NDUFS4: variants seen among roughly 807,000 people sequenced by gnomAD.
NDUFS4 encodes NADH:ubiquinone oxidoreductase subunit S4, also known as NADH dehydrogenase [ubiquinone] iron-sulfur protein 4, mitochondrial.
Under a neutral mutation model 24.3 loss-of-function variants are expected in NDUFS4, and 28 were observed. That is an observed-to-expected ratio of 1.15 (90% CI 0.85 to 1.58). The LOEUF (loss-of-function observed/expected upper bound fraction) is 1.58, where lower values mean the gene tolerates loss of function less well. NDUFS4 is among the 40% of genes most tolerant of loss of function. The probability of loss-of-function intolerance (pLI) is 0.00; values close to 1 mark genes in which losing one functional copy is unlikely to be tolerated. For synonymous variants in NDUFS4, 93 were observed against 69.7 expected (o/e 1.34, Z -1.67); for missense variants, 223 against 207.9 (o/e 1.07, Z -0.45).
rs746555037 is a variant in NDUFS4, at chr5:53,683,225, G to C, written c.*4G>C. ...AACAAGAGTATCCACAAAATAGGTT[G>C]GCACTGACTATATCTCTGCTTGACT... On this transcript the variant is annotated 3_prime_UTR_variant, in exon 5 of 5. Transcript: ENST00000296684. 1.9e-6 allele frequency: 3 copies of C among 1,575,118 alleles called. No individual in the cohort carries two copies. Among genetic ancestry groups the C allele is most frequent in the Non-Finnish European group, 2.6e-6 (3 of 1,145,018 alleles).
intron 2 of NDUFS4, among the ~76,000 whole-genome samples, chr5:53,639,790 CTCTT>C (rs1423925679): frequency 2.0e-5 from 3 of 152,122 alleles, no homozygotes; most frequent in African/African-American, 7.2e-5. Context: ...TTCTTCCTCT[CTCTT>C]TTTTTCTTTT....
chr5:53,568,033 T>C (rs147326780), intron 1 of NDUFS4, among the ~76,000 whole-genome samples: 83 of 152,252 alleles, frequency 5.5e-4, no homozygotes, highest in African/African-American at 1.9e-3. Flanking sequence ...TAATAAACTA[T>C]TATAAATTTT....
In NDUFS4 at chr5:53,601,236, C is replaced by T. The variant is rs549029731; in HGVS notation, c.99-2216C>T. Among the ~76,000 whole-genome samples, 249 of 152,130 alleles carry T rather than the reference C, an allele frequency of 1.6e-3. 1 individual carries two copies. The highest frequency in any genetic ancestry group is 5.5e-3 in the African/African-American group (228 of 41,510). On this transcript the variant is annotated intron_variant, in intron 1 of 4. Coordinates refer to ENST00000296684, the MANE Select transcript of NDUFS4 (RefSeq NM_002495.4). ...GCCAGGATGGTATCCATCTCCTGAC[C>T]TTGTGATCCGCCCGCCTCAGCCTCC... is the stretch of plus-strand genomic sequence containing the variant.
chr5:53,578,988 A>C (rs969970428), intron 1 of NDUFS4, among the ~76,000 whole-genome samples: 1 of 152,158 alleles, frequency 6.6e-6, no homozygotes, highest in African/African-American at 2.4e-5. Context: ...AACCCACAAC[A>C]ATCTATCTTT....
intron 3 of NDUFS4, among the ~76,000 whole-genome samples, chr5:53,647,526 C>CT (rs1751904795): frequency 6.6e-6 from 1 of 152,098 alleles, no homozygotes; most frequent in Non-Finnish European, 1.5e-5. Context: ...CATTAAATTG[C>CT]TTTTTAACAG....
chr5:53,642,104 T>C (rs1467525558), intron 2 of NDUFS4, among the ~76,000 whole-genome samples: 9 of 152,148 alleles, frequency 5.9e-5, no homozygotes. Flanking sequence ...GCAAAAACCT[T>C]ACATTTATTT....
chr5:53,568,867 C>A (rs1749125340), intron 1 of NDUFS4, among the ~76,000 whole-genome samples: 1 of 152,146 alleles, frequency 6.6e-6, no homozygotes, highest in Non-Finnish European at 1.5e-5. Context: ...GCTGCTTTTG[C>A]AATATATTTT....
In NDUFS4 at chr5:53,586,854, A is replaced by G. The variant is rs140526919; in HGVS notation, c.99-16598A>G. Among the ~76,000 whole-genome samples, 512 of 150,180 alleles carry G rather than the reference A, an allele frequency of 3.4e-3. 2 individuals carry two copies. Among genetic ancestry groups the G allele is most frequent in the Non-Finnish European group, 4.1e-3 (279 of 67,712 alleles). On this transcript the variant is annotated intron_variant, in intron 1 of 4. Transcript: ENST00000296684. Reference sequence around the variant, plus strand: ...TTCCTTTTTTTTGAGATGGAGTTGTACTCTTGTCACTGAGGCAGGAGTGCA... The same window carrying G: ...TTCCTTTTTTTTGAGATGGAGTTGTGCTCTTGTCACTGAGGCAGGAGTGCA...
At chr5:53,659,118 T>A (rs1466425949) in intron 4 of NDUFS4, among the ~76,000 whole-genome samples, 4 of 152,180 alleles carry the variant, frequency 2.6e-5, no homozygotes, top group Non-Finnish European at 5.9e-5. Context: ...CATTTGCTAC[T>A]TTTCTAGATA....
rs58169759 is a variant in NDUFS4 at position 53,621,690 on chromosome 5, A to ATTTTTTT, written c.177+18183_177+18189dup. 1.9e-3 allele frequency among the ~76,000 whole-genome samples: 153 copies of ATTTTTTT among 81,560 alleles called. 6 individuals carry two copies. The highest frequency in any genetic ancestry group is 8.0e-3 in the African/African-American group (145 of 18,082). The allele number at this position is 81,560 out of a possible 152,430, so 53.5% of individuals were successfully genotyped here. ...ATATTTGTTATAAACCTCATAGTAA[A>ATTTTTTT]TTTTTTTTTTTTTTTTTTTTTTTTT... On this transcript the variant is annotated intron_variant, in intron 2 of 4. Transcript: ENST00000296684.
chr5:53,591,263 C>T (rs1005436581), intron 1 of NDUFS4, among the ~76,000 whole-genome samples: 1 of 151,960 alleles, frequency 6.6e-6, no homozygotes, highest in African/African-American at 2.4e-5. Flanking sequence ...CTGTTCTAGT[C>T]CCTGCTTTAG....
chr5:53,644,830 G>A (rs75510999), intron 2 of NDUFS4, among the ~76,000 whole-genome samples: 3,690 of 152,154 alleles, frequency 0.024, 76 homozygotes, highest in South Asian at 0.082. Context: ...ATTGACGCAG[G>A]TGGAAAGGTA....
intron 1 of NDUFS4, chr5:53,573,822 C>T (rs541232373): frequency 2.3e-4 from 50 of 218,538 alleles, no homozygotes; most frequent in Non-Finnish European, 4.2e-4. Context: ...AAACTCCTGA[C>T]CTCAGGTGAT....
intron 2 of NDUFS4, among the ~76,000 whole-genome samples, chr5:53,639,266 GTAA>G (rs1296042999): frequency 1.3e-5 from 2 of 151,606 alleles, no homozygotes; most frequent in African/African-American, 2.4e-5. Context: ...GAATTGTCAT[GTAA>G]TAATATTCTG....
chr5:53,568,644 T>A, intron 1 of NDUFS4, among the ~76,000 whole-genome samples: 1 of 152,180 alleles, frequency 6.6e-6, no homozygotes, highest in Middle Eastern at 3.2e-3. Context: ...TTATTCTTCC[T>A]TTTGGAAGGG....
chr5:53,580,863 C>T (rs571872281), intron 1 of NDUFS4, among the ~76,000 whole-genome samples: 5 of 146,652 alleles, frequency 3.4e-5, no homozygotes, highest in South Asian at 2.2e-4. Context: ...TTTGGAGTTT[C>T]GCTCTTGTTA....
intron 2 of NDUFS4, among the ~76,000 whole-genome samples, chr5:53,621,991 C>T (rs1034952898): frequency 5.9e-5 from 9 of 151,866 alleles, no homozygotes; most frequent in African/African-American, 1.7e-4. Flanking sequence ...TGAGCCACCG[C>T]GCCCGGCCGT....
chr5:53,603,043 T>C (rs937730144), intron 1 of NDUFS4, among the ~76,000 whole-genome samples: 2 of 152,216 alleles, frequency 1.3e-5, no homozygotes, highest in African/African-American at 4.8e-5. Flanking sequence ...CTTTTTATTA[T>C]GATTGGGATT....
At chr5:53,636,240 G>A (rs1039831311) in intron 2 of NDUFS4, among the ~76,000 whole-genome samples, 2 of 152,066 alleles carry the variant, frequency 1.3e-5, no homozygotes, top group East Asian at 1.9e-4. Flanking sequence ...AGATTTTCCT[G>A]GTTTGCAGTC....
Sources: gnomAD v4.1 joint callset for allele counts (sites outside exome capture counted in the v4.1 genomes callset) on GRCh38, gnomAD v4.1.1 for gene constraint, MANE v1.5 for transcripts, NCBI Gene and HGNC (gene_info 2026-07-23, HGNC 2026-07-21) for gene names.